Variants in FOXP2 observed in about 807,000 individuals in gnomAD.
FOXP2 encodes the protein forkhead box protein P2.
FOXP2 carries 12 observed loss-of-function variants against 115.8 expected under a neutral mutation model. That is an observed-to-expected ratio of 0.10 (90% CI 0.07 to 0.17). The LOEUF (loss-of-function observed/expected upper bound fraction) is 0.17. Ranked by LOEUF, FOXP2 falls within the 10% of genes least tolerant of loss-of-function variation. FOXP2 has a pLI of 1.00. For synonymous variants in FOXP2, 328 were observed against 297.7 expected (o/e 1.10, Z -1.05); for missense variants, 629 against 843.5 (o/e 0.75, Z 3.15).
upstream of FOXP2, among the ~76,000 whole-genome samples, chr7:114,413,973 G>A (rs899945641): frequency 6.6e-6 from 1 of 152,062 alleles, no homozygotes; most frequent in Admixed American, 6.6e-5. Context: ...AAGTTGTCTT[G>A]CCCAGAGTTA....
intron 1 of FOXP2, among the ~76,000 whole-genome samples, chr7:114,148,301 A>T (rs1033248701): frequency 2.6e-5 from 4 of 151,878 alleles, no homozygotes; most frequent in African/African-American, 9.7e-5. Context: ...ATATTGGTAA[A>T]TTTGCTTTAC....
intron 1 of FOXP2, among the ~76,000 whole-genome samples, chr7:114,425,467 GTTT>G (rs1793803405): frequency 6.6e-6 from 1 of 151,562 alleles, no homozygotes; most frequent in South Asian, 2.1e-4. Flanking sequence ...TGAAATTCTG[GTTT>G]GTAAGAGCAC....
chr7:114,349,342 A>G (rs1791423025), intron 2 of FOXP2, among the ~76,000 whole-genome samples: 2 of 152,134 alleles, frequency 1.3e-5, no homozygotes, highest in South Asian at 4.1e-4. Flanking sequence ...ACTATGAGAT[A>G]GGAATGATTA....
In FOXP2 at chr7:114,560,249, T is replaced by G. The variant is rs574863433; in HGVS notation, c.258+25543T>G. The stretch of plus-strand genomic sequence containing the variant: ...CCGTTTTTACATATTAAGTTGTGCT[T>G]TGTACAATGTAAAGTCTGATTATAC... On this transcript the variant is annotated intron_variant, in intron 3 of 16. Coordinates refer to ENST00000350908, the MANE Select transcript of FOXP2 (RefSeq NM_014491.4). 3.0e-4 allele frequency among the ~76,000 whole-genome samples: 45 copies of G among 152,306 alleles called. 1 individual carries two copies. The highest frequency in any genetic ancestry group is 6.8e-3 in the Middle Eastern group (2 of 294).
At chr7:114,494,281 C>G (rs1381588980) in intron 2 of FOXP2, among the ~76,000 whole-genome samples, 1 of 152,142 alleles carries the variant, frequency 6.6e-6, no homozygotes, top group Non-Finnish European at 1.5e-5. Context: ...AGTTGCAGTT[C>G]AGTACCACCA....
At chr7:114,307,085 A>G (rs969146681) in intron 2 of FOXP2, among the ~76,000 whole-genome samples, 2 of 152,124 alleles carry the variant, frequency 1.3e-5, no homozygotes, top group African/African-American at 4.8e-5. Flanking sequence ...AGATGTGAAC[A>G]TCTTTGGGAA....
chr7:114,590,623 T>C (rs568642681), intron 3 of FOXP2, among the ~76,000 whole-genome samples: 2 of 152,270 alleles, frequency 1.3e-5, no homozygotes, highest in African/African-American at 4.8e-5. Context: ...TTATGAACTT[T>C]TAGGTCCGTC....
intron 2 of FOXP2, among the ~76,000 whole-genome samples, chr7:114,516,962 G>C (rs1798375775): frequency 1.3e-5 from 2 of 151,936 alleles, no homozygotes; most frequent in Non-Finnish European, 2.9e-5. Flanking sequence ...CAAAAGTGCT[G>C]GGATTACAGG....
At chr7:114,322,799 T>C (rs1326678143) in intron 2 of FOXP2, among the ~76,000 whole-genome samples, 4 of 152,250 alleles carry the variant, frequency 2.6e-5, no homozygotes, top group Non-Finnish European at 5.9e-5. Context: ...TGTGTTGTGA[T>C]ATTTTGTATA....
intron 2 of FOXP2, among the ~76,000 whole-genome samples, chr7:114,371,335 C>T (rs1792002334): frequency 6.6e-6 from 1 of 151,898 alleles, no homozygotes; most frequent in South Asian, 2.1e-4. Flanking sequence ...ATCCTCCTGC[C>T]TCAGCCTCCC....
At chr7:114,329,241 G>C (rs961387813) in intron 2 of FOXP2, among the ~76,000 whole-genome samples, 1 of 152,152 alleles carries the variant, frequency 6.6e-6, no homozygotes, top group African/African-American at 2.4e-5. Context: ...TATCTGGCCA[G>C]GCATGGTGGT....
chr7:114,601,593 T>G (rs1803029188), intron 3 of FOXP2, among the ~76,000 whole-genome samples: 1 of 152,172 alleles, frequency 6.6e-6, no homozygotes, highest in African/African-American at 2.4e-5. Flanking sequence ...TTTTTCAGCC[T>G]TTCTTTATGT....
chr7:114,443,289 T>C (rs1381266456), intron 2 of FOXP2, among the ~76,000 whole-genome samples: 2 of 152,208 alleles, frequency 1.3e-5, no homozygotes, highest in African/African-American at 4.8e-5. Flanking sequence ...ACGTTATGCA[T>C]TCTTTAATTT....
chr7:114,444,029 A>G (rs1003459549), intron 2 of FOXP2, among the ~76,000 whole-genome samples: 5 of 152,104 alleles, frequency 3.3e-5, no homozygotes, highest in Non-Finnish European at 7.4e-5. Flanking sequence ...ACTAATTTAC[A>G]TTGCCACCAT....
intron 1 of FOXP2, among the ~76,000 whole-genome samples, chr7:114,245,330 AG>A (rs1162419522): frequency 6.6e-6 from 1 of 152,206 alleles, no homozygotes. Flanking sequence ...CCTATTCATG[AG>A]AAGAATGAGA....
At chr7:114,633,219 A>G (rs1805016096) in intron 6 of FOXP2, among the ~76,000 whole-genome samples, 1 of 152,162 alleles carries the variant, frequency 6.6e-6, no homozygotes, top group African/African-American at 2.4e-5. Flanking sequence ...CTTGTTTAAA[A>G]CATATTGTGA....
chr7:114,117,555 C>T (rs931128557), intron 1 of FOXP2, among the ~76,000 whole-genome samples: 4 of 152,026 alleles, frequency 2.6e-5, no homozygotes, highest in Non-Finnish European at 5.9e-5. Context: ...CCTTGTGGGA[C>T]AGGTACTTTA....
intron 16 of FOXP2, among the ~76,000 whole-genome samples, chr7:114,679,605 A>G (rs1228745605): frequency 6.6e-6 from 1 of 152,068 alleles, no homozygotes; most frequent in East Asian, 1.9e-4. Flanking sequence ...TAACACACAC[A>G]CACAAACACA....
At chr7:114,604,369 G>T (rs1294150951) in intron 3 of FOXP2, among the ~76,000 whole-genome samples, 1 of 152,130 alleles carries the variant, frequency 6.6e-6, no homozygotes, top group Non-Finnish European at 1.5e-5. Context: ...TTTTTGTGTG[G>T]ATGTAAACAT....
Sources: gnomAD v4.1 joint callset for allele counts (sites outside exome capture counted in the v4.1 genomes callset) on GRCh38, gnomAD v4.1.1 for gene constraint, MANE v1.5 for transcripts, NCBI Gene and HGNC (gene_info 2026-07-23, HGNC 2026-07-21) for gene names.